RFC3: variants seen among roughly 807,000 people sequenced by gnomAD.
The protein encoded by RFC3 is replication factor C subunit 3.
RFC3 carries 41 observed loss-of-function variants against 45.1 expected under a neutral mutation model. The ratio of observed to expected loss-of-function variants is 0.91; its 90% CI spans 0.71 to 1.18. The LOEUF is 1.18. Ranked by LOEUF, RFC3 falls within the 50% of genes most tolerant of loss-of-function variation. RFC3 has a pLI of 0.00. For synonymous variants in RFC3, 149 were observed against 144.0 expected, an observed-to-expected ratio of 1.03 and a Z score of -0.25; for missense variants, 423 against 428.1, an observed-to-expected ratio of 0.99 and a Z score of 0.10.
At chr13:33,958,369 G>A (rs1257760193) in intron 8 of RFC3, among the ~76,000 whole-genome samples, 2 of 152,182 alleles carry the variant, frequency 1.3e-5, no homozygotes, top group East Asian at 1.9e-4. Flanking sequence ...CAGGAGCAGT[G>A]AGGAGAACAA....
intron 8 of RFC3, among the ~76,000 whole-genome samples, chr13:33,861,044 C>T (rs2082337880): frequency 6.6e-6 from 1 of 152,014 alleles, no homozygotes. Context: ...GACCACAGGC[C>T]AGAGCCACCA....
chr13:33,966,136 A>G, exon 9 of RFC3: 1 of 1,603,866 alleles, frequency 6.2e-7, no homozygotes, highest in African/African-American at 1.3e-5. Context: ...GGACCTCCAA[A>G]GAACAACTTG....
At chr13:33,867,560 C>T (rs1332842080) in intron 8 of RFC3, among the ~76,000 whole-genome samples, 4 of 152,206 alleles carry the variant, frequency 2.6e-5, no homozygotes, top group African/African-American at 4.8e-5. Context: ...TAGGGCCTCA[C>T]TACCCAAAAG....
intron 8 of RFC3, among the ~76,000 whole-genome samples, chr13:33,929,640 C>T (rs1361408799): frequency 6.6e-6 from 1 of 151,860 alleles, no homozygotes; most frequent in Middle Eastern, 3.2e-3. Context: ...TTAAACTTAC[C>T]TATAATTTTC....
At chr13:33,869,957 C>G (rs2082397030) in intron 8 of RFC3, among the ~76,000 whole-genome samples, 1 of 152,154 alleles carries the variant, frequency 6.6e-6, no homozygotes, top group Non-Finnish European at 1.5e-5. Context: ...AAGAAGTATA[C>G]CAGTCTAACT....
chr13:33,819,000 C>T (rs973386888), intron 1 of RFC3, among the ~76,000 whole-genome samples: 1 of 149,866 alleles, frequency 6.7e-6, no homozygotes, highest in Non-Finnish European at 1.5e-5. Flanking sequence ...AAGCGATTCT[C>T]CTGCCTCAGC....
At chr13:33,937,331 TA>T (rs1246902963) in intron 8 of RFC3, among the ~76,000 whole-genome samples, 1 of 152,322 alleles carries the variant, frequency 6.6e-6, no homozygotes, top group African/African-American at 2.4e-5. Context: ...TAGGTTTATG[TA>T]AGTACACTCT....
chr13:33,904,653 G>A (rs1047338870), intron 8 of RFC3, among the ~76,000 whole-genome samples: 3 of 152,024 alleles, frequency 2.0e-5, no homozygotes, highest in African/African-American at 7.2e-5. Context: ...TCAGGATAGA[G>A]TCCAGATTCC....
intron 4 of RFC3, among the ~76,000 whole-genome samples, chr13:33,827,322 C>T (rs556122236): frequency 6.6e-6 from 1 of 152,202 alleles, no homozygotes; most frequent in East Asian, 1.9e-4. Flanking sequence ...TTCTGCATTT[C>T]TAGAGTAAAC....
chr13:33,880,990 A>C (rs2082479604), intron 8 of RFC3, among the ~76,000 whole-genome samples: 1 of 152,194 alleles, frequency 6.6e-6, no homozygotes, highest in Non-Finnish European at 1.5e-5. Flanking sequence ...CAGGAGGCAG[A>C]GGTTGCAGTG....
At chr13:33,834,472 G>A (rs921703778) in intron 7 of RFC3, among the ~76,000 whole-genome samples, 2 of 150,100 alleles carry the variant, frequency 1.3e-5, no homozygotes, top group Non-Finnish European at 3.0e-5. Flanking sequence ...TATGAGAAGG[G>A]CCTAGAATGA....
chr13:33,913,007 G>A (rs556303688), intron 8 of RFC3, among the ~76,000 whole-genome samples: 1 of 152,182 alleles, frequency 6.6e-6, no homozygotes, highest in African/African-American at 2.4e-5. Context: ...AGAAACAGGG[G>A]ACACTGGGAG....
intron 8 of RFC3, among the ~76,000 whole-genome samples, chr13:33,882,153 T>C (rs2082489207): frequency 6.6e-6 from 1 of 152,214 alleles, no homozygotes; most frequent in South Asian, 2.1e-4. Context: ...CAGCTTCCCC[T>C]GATGTTAGCA....
intron 8 of RFC3, among the ~76,000 whole-genome samples, chr13:33,901,092 G>A (rs2082639011): frequency 6.6e-6 from 1 of 151,858 alleles, no homozygotes; most frequent in Admixed American, 6.6e-5. Flanking sequence ...CGCTGCCGGT[G>A]GAAATGTAAA....
intron 8 of RFC3, among the ~76,000 whole-genome samples, chr13:33,958,988 A>G (rs1173979003): frequency 1.3e-5 from 2 of 152,216 alleles, no homozygotes; most frequent in East Asian, 3.8e-4. Context: ...CAGAACTATT[A>G]TTTTAAAAAA....
At chr13:33,953,279 A>G (rs1292353533) in intron 8 of RFC3, among the ~76,000 whole-genome samples, 1 of 151,630 alleles carries the variant, frequency 6.6e-6, no homozygotes, top group African/African-American at 2.4e-5. Context: ...GACTTTGAGA[A>G]ATATGAAATA....
At chr13:33,853,680 T>A (rs1197161309) in intron 8 of RFC3, among the ~76,000 whole-genome samples, 1 of 152,144 alleles carries the variant, frequency 6.6e-6, no homozygotes, top group Non-Finnish European at 1.5e-5. Flanking sequence ...CAGAAAAAGG[T>A]ACCTAAATTC....
intron 8 of RFC3, among the ~76,000 whole-genome samples, chr13:33,877,582 CTGA>C (rs1341676311): frequency 6.6e-6 from 1 of 151,794 alleles, no homozygotes; most frequent in Non-Finnish European, 1.5e-5. Flanking sequence ...ACTACTTTGT[CTGA>C]TGTTTTTTTA....
intron 8 of RFC3, among the ~76,000 whole-genome samples, chr13:33,958,451 A>C (rs1183832492): frequency 1.3e-5 from 2 of 152,174 alleles, no homozygotes; most frequent in Non-Finnish European, 2.9e-5. Context: ...TTTCAAACTG[A>C]GATGGATGTG....
Sources: gnomAD v4.1 joint callset for allele counts (sites outside exome capture counted in the v4.1 genomes callset) on GRCh38, gnomAD v4.1.1 for gene constraint, MANE v1.5 for transcripts, NCBI Gene and HGNC (gene_info 2026-07-23, HGNC 2026-07-21) for gene names.